The following MTA1 variants were observed in gnomAD, a reference collection of about 807,000 sequenced individuals.
MTA1 encodes the protein metastasis-associated protein MTA1.
MTA1 carries 15 observed loss-of-function variants against 97.0 expected under a neutral mutation model. The ratio of observed to expected loss-of-function variants is 0.15; its 90% confidence interval spans 0.10 to 0.24. The LOEUF (loss-of-function observed/expected upper bound fraction) is 0.24, where lower values mean the gene tolerates loss of function less well. Among genes scored for constraint, MTA1 ranks in the 10% least tolerant of loss-of-function variants. The probability of loss-of-function intolerance (pLI) is 1.00; values close to 1 mark genes in which losing one functional copy is unlikely to be tolerated. For synonymous variants in MTA1, 435 were observed against 417.5 expected (o/e 1.04, Z -0.51); for missense variants, 709 against 1,015.1 (o/e 0.70, Z 4.10).
At chr14:105,426,098 C>T (rs1463019943) in intron 1 of MTA1, among the ~76,000 whole-genome samples, 1 of 152,152 alleles carries the variant, frequency 6.6e-6, no homozygotes, top group Non-Finnish European at 1.5e-5. Context: ...AGCCCTTTCA[C>T]GGTCAGGGCC....
intron 1 of MTA1, among the ~76,000 whole-genome samples, chr14:105,433,417 A>C (rs2082239564): frequency 1.3e-5 from 2 of 152,176 alleles, no homozygotes; most frequent in Non-Finnish European, 2.9e-5. Flanking sequence ...CTGTCAGGGT[A>C]GCCTCTCTGA....
Position 105,464,794 on chromosome 14 carries a change from A to C in MTA1, c.1465A>C (p.Ile489Leu). ...GATCGCCCGGCGCCTGTGCCGTGAG[A>C]TCCTGCGCCCGTGGCACGCTGCGCG... ...TRIARRLCRE[I>L]LRPWHAARHP... Residue 489 changes from isoleucine to leucine, a missense_variant, in exon 15 of 21, where the codon ATC becomes CTC. Transcript: ENST00000331320. The C allele has an allele frequency of 6.2e-7, 1 of 1,605,574 alleles. No homozygotes were observed. The highest frequency in any genetic ancestry group is 8.5e-7 in the Non-Finnish European group (1 of 1,174,338).
At chr14:105,423,460 A>C (rs2081913505) in intron 1 of MTA1, among the ~76,000 whole-genome samples, 1 of 150,868 alleles carries the variant, frequency 6.6e-6, no homozygotes, top group African/African-American at 2.4e-5. Flanking sequence ...CAAGTGATCC[A>C]CCCGCTTCGG....
intron 6 of MTA1, among the ~76,000 whole-genome samples, chr14:105,453,272 C>T (rs947793516): frequency 5.3e-5 from 8 of 152,276 alleles, no homozygotes; most frequent in Non-Finnish European, 8.8e-5. Flanking sequence ...GCCGCTCCTC[C>T]AAGGTTGTGC....
In MTA1 at chr14:105,463,163, G is replaced by A. The variant is rs1555431439; in HGVS notation, c.943-21G>A. The A allele has an allele frequency of 5.0e-6, 8 of 1,609,712 alleles. No individual in the cohort carries two copies. In the Admixed American group the frequency reaches 8.3e-5, roughly 17 times the overall value. On this transcript the variant is annotated intron_variant, in intron 10 of 20. Coordinates refer to ENST00000331320, the MANE Select transcript of MTA1 (RefSeq NM_004689.4). This position sits in a 1 kb window ranked among gnomAD's most constrained non-coding sequence, Gnocchi z 5.9. ...GCCTCCTGCCCCTTCCTGCTTGTGT[G>A]ACACGCCTCCTCCCACCCAGCTCCC...
In MTA1 at chr14:105,432,682, G is replaced by C. The variant is rs903786595; in HGVS notation, c.29-5990G>C. On this transcript the variant is annotated intron_variant, in intron 1 of 20. Transcript: ENST00000331320. The stretch of plus-strand genomic sequence containing the variant: ...ACGTTCTTTATGAATTCATCTTAAA[G>C]TTACGAGGCACAACCACATTTATTT... 3.3e-5 allele frequency among the ~76,000 whole-genome samples: 5 copies of C among 152,336 alleles called. No homozygotes were observed. The East Asian group carries it at 7.7e-4, about 23-fold the overall frequency.
chr14:105,464,646 G>A (rs1555432056), intron 14 of MTA1, 28 bp from the exon 15 acceptor site: 1 of 1,604,852 alleles, frequency 6.2e-7, no homozygotes. Flanking sequence ...ATGGCGCTGT[G>A]TTGGGGCGGT....
chr14:105,424,756 A>G lies in MTA1; in HGVS notation c.28+4693A>G, dbSNP rs935523335. ...AGTGATCCACCCGCCTCGGCCTCCC[A>G]AAGTGCTGGGATTACAGGCGTGAGC... On this transcript the variant is annotated intron_variant, in intron 1 of 20. Transcript: ENST00000331320. The surrounding 1 kb of genome is among the most constrained non-coding windows in gnomAD (Gnocchi z 4.0). 3.3e-5 allele frequency among the ~76,000 whole-genome samples: 5 copies of G among 152,290 alleles called. No homozygotes were observed. The highest frequency in any genetic ancestry group is 3.3e-4 in the Admixed American group (5 of 15,300).
intron 13 of MTA1, 36 bp from the exon 14 acceptor site, chr14:105,464,380 T>G: frequency 1.9e-6 from 3 of 1,607,382 alleles, no homozygotes; most frequent in Non-Finnish European, 2.6e-6. Context: ...TGGTTCTGCT[T>G]AAGAATCCGT....
chr14:105,449,327 G>T, intron 3 of MTA1, 32 bp from the exon 4 acceptor site: 1 of 1,606,706 alleles, frequency 6.2e-7, no homozygotes, highest in Non-Finnish European at 8.5e-7. Flanking sequence ...TGTGCTGACC[G>T]TGCTGCCGGG....
chr14:105,437,307 G>A (rs1398978171), intron 1 of MTA1, among the ~76,000 whole-genome samples: 5 of 151,424 alleles, frequency 3.3e-5, no homozygotes, highest in Non-Finnish European at 5.9e-5. Context: ...CCTCATGGGC[G>A]TGTGCCTGCA....
In MTA1 at chr14:105,454,204, C is replaced by T. The variant is rs1190082516; in HGVS notation, c.444C>T (p.Phe148=). ...GTGGTGTTTTCCAGGATTTCTTCTT[C>T]TATTCTCTAGTCTACGACCCACAGC... The part of the protein sequence containing the change: ...KSYLEREDFF[F]YSLVYDPQQK... Residue 148 remains phenylalanine (F), a synonymous_variant, in exon 7 of 21, where the codon TTC becomes TTT. Transcript: ENST00000331320. 2.5e-6 allele frequency: 4 copies of T among 1,612,392 alleles called. No homozygotes were observed. The African/African-American group carries it at 4.0e-5, about 16-fold the overall frequency.
At chr14:105,445,701 G>A (rs1208603031) in intron 3 of MTA1, 190 bp downstream of exon 3, 1 of 714,196 alleles carries the variant, frequency 1.4e-6, no homozygotes, top group Non-Finnish European at 2.6e-6. Flanking sequence ...TTCCTCGGGG[G>A]CTGGGTGAAT....
intron 2 of MTA1, among the ~76,000 whole-genome samples, chr14:105,444,608 T>G (rs587637043): frequency 6.4e-4 from 98 of 152,136 alleles, no homozygotes; most frequent in Middle Eastern, 6.8e-3. Context: ...CTGGCCAACA[T>G]GGCAAAACCC....
Position 105,463,135 on chromosome 14 carries a change from C to T in MTA1, c.943-49C>T, listed in dbSNP as rs782369097. On this transcript the variant is annotated intron_variant, in intron 10 of 20. Coordinates refer to ENST00000331320, the MANE Select transcript of MTA1 (RefSeq NM_004689.4). This position sits in a 1 kb window ranked among gnomAD's most constrained non-coding sequence, Gnocchi z 5.9. ...GCCCTGCCCCTGCCTGCATGGTGTG[C>T]CTGCCTCCTGCCCCTTCCTGCTTGT... The T allele has an allele frequency of 5.1e-6, 8 of 1,574,218 alleles. No individual in the cohort carries two copies. In the East Asian group the frequency reaches 1.6e-4, roughly 31 times the overall value.
Position 105,419,867 on chromosome 14 carries a change from C to CGCGGCCTCG in MTA1, c.-154_-146dup, listed in dbSNP as rs1177983979. The stretch of plus-strand genomic sequence containing the variant: ...CCGCGCCGCGGCCCTCCCGTCCCTG[C>CGCGGCCTCG]GCGGCCTCGGCGGCCTCGGCGGCGG... On this transcript the variant is annotated 5_prime_UTR_variant, in exon 1 of 21. Transcript: ENST00000331320. 1.1e-3 allele frequency: 195 copies of CGCGGCCTCG among 170,678 alleles called. No individual in the cohort carries two copies. Among genetic ancestry groups the CGCGGCCTCG allele is most frequent in the East Asian group, 6.8e-3 (36 of 5,312 alleles). The allele number at this position is 170,678 out of a possible 1,614,324, so 10.6% of individuals were successfully genotyped here. A position where few individuals can be genotyped will look rare whatever the true frequency, so the allele number is the denominator to read the frequency against.
chr14:105,428,234 G>A (rs1372676240), intron 1 of MTA1, among the ~76,000 whole-genome samples: 4 of 152,018 alleles, frequency 2.6e-5, no homozygotes, highest in Admixed American at 2.6e-4. Context: ...CTGCCGTTTT[G>A]CCTTGTCCAG....
intron 1 of MTA1, among the ~76,000 whole-genome samples, chr14:105,423,994 C>T (rs782587572): frequency 2.4e-4 from 37 of 152,232 alleles, no homozygotes; most frequent in Non-Finnish European, 3.5e-4. Context: ...GAGACACGGC[C>T]GTCCTGTGAG....
At chr14:105,451,271 T>C (rs2082918498) in intron 6 of MTA1, among the ~76,000 whole-genome samples, 1 of 152,192 alleles carries the variant, frequency 6.6e-6, no homozygotes, top group African/African-American at 2.4e-5. Context: ...CCGGTCCCCA[T>C]TCCCACCACA....
Sources: gnomAD v4.1 joint callset for allele counts (sites outside exome capture counted in the v4.1 genomes callset) on GRCh38, gnomAD v4.1.1 for gene constraint, Gnocchi (gnomAD v3.1) non-coding constraint, MANE v1.5 for transcripts, NCBI Gene and HGNC (gene_info 2026-07-23, HGNC 2026-07-21) for gene names.